NKAIN3: variants seen among roughly 807,000 people sequenced by gnomAD.
NKAIN3 encodes sodium/potassium-transporting ATPase subunit beta-1-interacting protein 3.
Under a neutral mutation model 30.2 loss-of-function variants are expected in NKAIN3, and 25 were observed. The observed-to-expected ratio is 0.83, with a 90% CI of 0.60 to 1.16. NKAIN3 has a LOEUF of 1.16. Ranked by LOEUF, NKAIN3 falls within the 50% of genes most tolerant of loss-of-function variation. NKAIN3 has a pLI of 0.00. For synonymous variants in NKAIN3, 91 were observed against 89.6 expected, an observed-to-expected ratio of 1.02 and a Z score of -0.09; for missense variants, 225 against 254.1, an observed-to-expected ratio of 0.89 and a Z score of 0.78.
chr8:62,819,406 T>C (rs1034160151), intron 4 of NKAIN3, among the ~76,000 whole-genome samples: 2 of 151,970 alleles, frequency 1.3e-5, no homozygotes, highest in African/African-American at 2.4e-5. Flanking sequence ...CCTGTGCTAA[T>C]TCTATGTTTG....
chr8:62,543,283 C>T (rs1348588359), intron 1 of NKAIN3, among the ~76,000 whole-genome samples: 2 of 152,174 alleles, frequency 1.3e-5, no homozygotes, highest in East Asian at 1.9e-4. Flanking sequence ...GCATTTCAGG[C>T]TACTAGCCTT....
intron 1 of NKAIN3, among the ~76,000 whole-genome samples, chr8:62,370,365 A>C (rs1816869654): frequency 1.3e-5 from 2 of 152,058 alleles, no homozygotes; most frequent in African/African-American, 4.8e-5. Flanking sequence ...TCCTACGCGA[A>C]ATGTAAACAT....
chr8:62,926,855 G>A (rs867063034), intron 5 of NKAIN3, among the ~76,000 whole-genome samples: 11 of 152,036 alleles, frequency 7.2e-5, no homozygotes, highest in Admixed American at 6.6e-4. Context: ...ATTTTGTCCC[G>A]TGGCTTTTGT....
At chr8:62,283,074 TTAAA>T (rs1208166402) in intron 1 of NKAIN3, among the ~76,000 whole-genome samples, 4 of 152,210 alleles carry the variant, frequency 2.6e-5, no homozygotes, top group African/African-American at 9.6e-5. Flanking sequence ...GGGTTAATTG[TTAAA>T]TAAAAGAATG....
chr8:62,966,236 T>C lies in NKAIN3; in HGVS notation c.*829T>C. On this transcript the variant is annotated 3_prime_UTR_variant, in exon 7 of 7. Coordinates refer to ENST00000623646, the MANE Select transcript of NKAIN3 (RefSeq NM_001304533.3). ...ACATAGACCTGCAGTCAGGAACTTT[T>C]CTCTTAGGATATTCAAAAGAAGCCT... is the stretch of plus-strand genomic sequence containing the variant. 2.0e-6 allele frequency: 2 copies of C among 985,248 alleles called. No homozygotes were observed. The highest frequency in any genetic ancestry group is 2.4e-6 in the Non-Finnish European group (2 of 829,796). The allele number at this position is 985,248 out of a possible 1,614,324, so 61.0% of individuals were successfully genotyped here.
At chr8:62,620,262 G>A (rs774284931) in intron 3 of NKAIN3, among the ~76,000 whole-genome samples, 9 of 152,100 alleles carry the variant, frequency 5.9e-5, no homozygotes, top group Non-Finnish European at 1.2e-4. Context: ...TCCAGGTATA[G>A]GGTGGGCACC....
intron 3 of NKAIN3, among the ~76,000 whole-genome samples, chr8:62,605,244 T>C (rs1811088909): frequency 6.6e-6 from 1 of 152,100 alleles, no homozygotes; most frequent in African/African-American, 2.4e-5. Context: ...GAGGTTCTAA[T>C]GTGACCTTGA....
chr8:62,579,003 A>T (rs1810209316), intron 1 of NKAIN3, among the ~76,000 whole-genome samples: 2 of 152,110 alleles, frequency 1.3e-5, no homozygotes. Context: ...ACTATAGTCA[A>T]CAATAATTTA....
At chr8:62,370,469 G>T (rs535135097) in intron 1 of NKAIN3, among the ~76,000 whole-genome samples, 18 of 151,966 alleles carry the variant, frequency 1.2e-4, no homozygotes, top group African/African-American at 4.3e-4. Context: ...AACTGCTGTG[G>T]AAATTGCATA....
chr8:62,581,177 G>T (rs60384804), intron 2 of NKAIN3, among the ~76,000 whole-genome samples: 78,893 of 134,030 alleles, frequency 0.59, 21,307 homozygotes, highest in Middle Eastern at 0.69. Flanking sequence ...TAAAAATACA[G>T]TAGCCTCTGC....
At chr8:62,333,665 C>A (rs1342888065) in intron 1 of NKAIN3, among the ~76,000 whole-genome samples, 1 of 152,028 alleles carries the variant, frequency 6.6e-6, no homozygotes, top group Non-Finnish European at 1.5e-5. Context: ...GCAGCACAAA[C>A]TTTTCTTCTG....
At chr8:62,855,765 G>GT (rs1820043050) in intron 4 of NKAIN3, 1 of 1,177,750 alleles carries the variant, frequency 8.5e-7, no homozygotes, top group African/African-American at 1.5e-5. Context: ...ATGACTTTCA[G>GT]TAAAGGGCAT....
At chr8:62,845,026 C>A (rs1819635004) in intron 4 of NKAIN3, among the ~76,000 whole-genome samples, 2 of 151,674 alleles carry the variant, frequency 1.3e-5, no homozygotes. Flanking sequence ...TTTTTCCTAC[C>A]AAGTATATTG....
chr8:62,449,740 G>A (rs6991521), intron 1 of NKAIN3, among the ~76,000 whole-genome samples: 54,748 of 151,880 alleles, frequency 0.36, 10,466 homozygotes, highest in South Asian at 0.45. Context: ...CCCTTTACTT[G>A]TTGATGAGTT....
rs1017919252 is a variant in NKAIN3 at position 62,670,883 on chromosome 8, A to G, written c.274-76049A>G. Among the ~76,000 whole-genome samples the G allele has an allele frequency of 4.1e-3, 353 of 85,492 alleles. 2 individuals carry two copies. The highest frequency in any genetic ancestry group is 0.017 in the African/African-American group (229 of 13,166). 56.1% of individuals were successfully genotyped at this position (85,492 alleles called of 152,430 possible). On this transcript the variant is annotated intron_variant, in intron 3 of 6. Transcript: ENST00000623646. The stretch of plus-strand genomic sequence containing the variant: ...TATTTTTATGTACACATACAAGCAC[A>G]CACACACACACACACACACACACAC...
intron 4 of NKAIN3, among the ~76,000 whole-genome samples, chr8:62,809,871 C>A (rs369811930): frequency 1.3e-5 from 2 of 152,174 alleles, no homozygotes; most frequent in Non-Finnish European, 2.9e-5. Flanking sequence ...AATTCTGAAT[C>A]CAGTAGAGTT....
At chr8:62,809,481 T>C (rs1349348340) in intron 4 of NKAIN3, among the ~76,000 whole-genome samples, 1 of 152,194 alleles carries the variant, frequency 6.6e-6, no homozygotes, top group Non-Finnish European at 1.5e-5. Context: ...TTTATGTTCC[T>C]CTGCCATGGC....
intron 1 of NKAIN3, among the ~76,000 whole-genome samples, chr8:62,281,911 T>A (rs1813208599): frequency 6.6e-6 from 1 of 151,944 alleles, no homozygotes; most frequent in Non-Finnish European, 1.5e-5. Flanking sequence ...CAAAAACAAT[T>A]TTTTTTTAAA....
intron 5 of NKAIN3, among the ~76,000 whole-genome samples, chr8:62,950,944 CTTTTTTT>C (rs71559384): frequency 1.1e-4 from 11 of 100,660 alleles, no homozygotes; most frequent in Non-Finnish European, 1.7e-4. Flanking sequence ...AAACAGAATC[CTTTTTTT>C]TTTTTTTTTT....
Sources: allele counts gnomAD v4.1 joint callset (sites outside exome capture counted in the v4.1 genomes callset), GRCh38; gene constraint gnomAD v4.1.1; transcripts MANE v1.5; gene names NCBI Gene and HGNC (gene_info 2026-07-23, HGNC 2026-07-21).